The following TEAD3 variants were observed in gnomAD, a reference collection of about 807,000 sequenced individuals.
TEAD3 encodes TEA domain transcription factor 3, also known as transcriptional enhancer factor TEF-5.
In TEAD3, 15 loss-of-function variants were observed where a neutral mutation model predicts 55.6. That is an observed-to-expected ratio of 0.27 (90% CI 0.18 to 0.42). TEAD3 has a LOEUF of 0.42. TEAD3 is among the 10% of genes least tolerant of loss of function. The pLI is 1.00. For synonymous variants in TEAD3, 210 were observed against 232.2 expected (o/e 0.90, Z 0.87); for missense variants, 407 against 576.8 (o/e 0.71, Z 3.01).
In TEAD3 at chr6:35,496,201, G is replaced by A. The variant is rs1011865034; in HGVS notation, c.-50+697C>T. On this transcript the variant is annotated intron_variant, in intron 1 of 12. Coordinates refer to ENST00000639578, the Ensembl canonical transcript of TEAD3. The surrounding 1 kb of genome is among the most constrained non-coding windows in gnomAD (Gnocchi z 4.8). ...CTAAACAAGGGCCCTGAGCAAGTGT[G>A]GGGAAGAAAAGGCCCCAAATCCAGA... Among the ~76,000 whole-genome samples, 2 of 152,202 alleles carry A rather than the reference G, an allele frequency of 1.3e-5. No homozygotes were observed. Among genetic ancestry groups the A allele is most frequent in the African/African-American group, 2.4e-5 (1 of 41,462 alleles).
intron 3 of TEAD3, among the ~76,000 whole-genome samples, chr6:35,481,837 TG>T (rs1429388046): frequency 6.6e-6 from 1 of 152,210 alleles, no homozygotes; most frequent in Non-Finnish European, 1.5e-5. Context: ...TGCCTCCAGA[TG>T]GTTGACTCTG....
chr6:35,475,198 A>G lies in TEAD3; in HGVS notation c.1195-41T>C. ...GTAAGAGATTCAGGAGGTCAGGGAG[A>G]AAAGGGCCACGGGGCAGGGGGCTGA... is the stretch of plus-strand genomic sequence containing the variant. On this transcript the variant is annotated intron_variant, in intron 12 of 12. Coordinates refer to ENST00000639578, the Ensembl canonical transcript of TEAD3. This position sits in a 1 kb window ranked among gnomAD's most constrained non-coding sequence, Gnocchi z 5.4. 6.4e-7 allele frequency: 1 copy of G among 1,568,912 alleles called. No homozygotes were observed. The highest frequency in any genetic ancestry group is 1.2e-5 in the South Asian group (1 of 86,260).
chr6:35,495,132 T>C (rs1768612910), intron 1 of TEAD3, among the ~76,000 whole-genome samples: 1 of 152,226 alleles, frequency 6.6e-6, no homozygotes, highest in Non-Finnish European at 1.5e-5. Flanking sequence ...ATGGCGCAAC[T>C]GGTTAAAGGT....
rs1346000319 is a variant in TEAD3, at chr6:35,491,228, A to G, written c.-49-4517T>C. Among the ~76,000 whole-genome samples the G allele has an allele frequency of 2.0e-5, 3 of 146,512 alleles. No individual in the cohort carries two copies. The highest frequency in any genetic ancestry group is 7.7e-5 in the African/African-American group (3 of 39,150). On this transcript the variant is annotated intron_variant, in intron 1 of 12. Coordinates refer to ENST00000639578, the Ensembl canonical transcript of TEAD3. The surrounding 1 kb of genome is among the most constrained non-coding windows in gnomAD (Gnocchi z 4.4). ...TGGAGGCAGGGCGGGGGAGTGCTGG[A>G]CCCTCAGACCCACAGACTGACAGAC...
chr6:35,475,700 G>A lies in TEAD3; in HGVS notation c.907C>T (p.Leu303Phe). 1.9e-6 allele frequency: 3 copies of A among 1,593,542 alleles called. No homozygotes were observed. Among genetic ancestry groups the A allele is most frequent in the Non-Finnish European group, 2.6e-6 (3 of 1,168,928 alleles). Residue 303 changes from leucine (L) to phenylalanine (F), a missense_variant, in exon 11 of 13, where the codon CTC becomes TTC. Leu to Phe is a conservative substitution (Grantham distance 22, BLOSUM62 0). Coordinates refer to ENST00000639578, the Ensembl canonical transcript of TEAD3. This position sits in a 1 kb window ranked among gnomAD's most constrained non-coding sequence, Gnocchi z 5.4. The stretch of plus-strand genomic sequence containing the variant: ...GGGCCCTCCTGGATGGTGCTGTTGA[G>A]GTCGGCCTGGGCATGGGGGTGGGGG...
intron 1 of TEAD3, among the ~76,000 whole-genome samples, chr6:35,487,731 C>G (rs1186598461): frequency 2.0e-5 from 3 of 150,198 alleles, no homozygotes; most frequent in African/African-American, 7.4e-5. Flanking sequence ...CAAAAAAAAA[C>G]AAAACAAAAC....
intron 3 of TEAD3, among the ~76,000 whole-genome samples, chr6:35,482,730 C>T (rs549536586): frequency 2.0e-5 from 3 of 152,052 alleles, no homozygotes; most frequent in African/African-American, 7.2e-5. Flanking sequence ...TGGCCAACAT[C>T]GCGAGACCCC....
In TEAD3 at chr6:35,475,209, G is replaced by A. The variant is rs1008924763; in HGVS notation, c.1195-52C>T. 110 of 1,570,474 alleles carry A rather than the reference G, an allele frequency of 7.0e-5. No homozygotes were observed. The highest frequency in any genetic ancestry group is 1.4e-4 in the South Asian group (12 of 86,706). Reference sequence around the variant, plus strand: ...AGGAGGTCAGGGAGAAAAGGGCCACGGGGCAGGGGGCTGAACAGACCATTC... The same window carrying A: ...AGGAGGTCAGGGAGAAAAGGGCCACAGGGCAGGGGGCTGAACAGACCATTC... On this transcript the variant is annotated intron_variant, in intron 12 of 12. Coordinates refer to ENST00000639578, the Ensembl canonical transcript of TEAD3. The surrounding 1 kb of genome is among the most constrained non-coding windows in gnomAD (Gnocchi z 5.4).
chr6:35,484,548 C>A lies in TEAD3; in HGVS notation c.267+12G>T, dbSNP rs1208177986. The A allele has an allele frequency of 1.3e-6, 2 of 1,597,746 alleles. No homozygotes were observed. Among genetic ancestry groups the A allele is most frequent in the Admixed American group, 1.7e-5 (1 of 57,488 alleles). On this transcript the variant is annotated intron_variant, in intron 3 of 12. Transcript: ENST00000639578. The surrounding 1 kb of genome is among the most constrained non-coding windows in gnomAD (Gnocchi z 5.8). ...GTGTGGGTGGCAGGCCCAGCATAAA[C>A]CGTCTCTCTACCTGTTTTCTCGTCC... is the stretch of plus-strand genomic sequence containing the variant.
Position 35,483,775 on chromosome 6 carries a change from A to C in TEAD3, c.267+785T>G, listed in dbSNP as rs1581725541. On this transcript the variant is annotated intron_variant, in intron 3 of 12. Transcript: ENST00000639578. This position sits in a 1 kb window ranked among gnomAD's most constrained non-coding sequence, Gnocchi z 4.5. ...AGTGTCCCCTACCCCAGCAGTCCCC[A>C]CCCTCCCTCCACCACATCAGGCTGC... is the stretch of plus-strand genomic sequence containing the variant. Among the ~76,000 whole-genome samples, 2 of 143,670 alleles carry C rather than the reference A, an allele frequency of 1.4e-5. No homozygotes were observed. Among genetic ancestry groups the C allele is most frequent in the Admixed American group, 6.9e-5 (1 of 14,502 alleles). The allele number at this position is 143,670 out of a possible 152,430, so 94.3% of individuals were successfully genotyped here.
chr6:35,474,811 C>T (rs1387943894), downstream of TEAD3: 2 of 509,478 alleles, frequency 3.9e-6, no homozygotes, highest in East Asian at 3.5e-5. Context: ...TGGGTCAGCG[C>T]CCCGGACAGG....
In TEAD3 at chr6:35,475,696, T is replaced by C; in HGVS notation, c.911A>G (p.Asn304Ser). The change falls in exon 11 of 13, where the codon AAC (asparagine) becomes AGC (serine). Residue 304 changes from asparagine (N) to serine (S), a missense_variant. Transcript: ENST00000639578. The surrounding 1 kb of genome is among the most constrained non-coding windows in gnomAD (Gnocchi z 5.4). Reference sequence around the variant, plus strand: ...TCCCGGGCCCTCCTGGATGGTGCTGTTGAGGTCGGCCTGGGCATGGGGGTG... The same window carrying C: ...TCCCGGGCCCTCCTGGATGGTGCTGCTGAGGTCGGCCTGGGCATGGGGGTG... 2.5e-6 allele frequency: 4 copies of C among 1,598,760 alleles called. No individual in the cohort carries two copies. Among genetic ancestry groups the C allele is most frequent in the South Asian group, 1.1e-5 (1 of 89,360 alleles).
downstream of TEAD3, chr6:35,474,816 G>A (rs1424541260): frequency 1.9e-6 from 1 of 518,888 alleles, no homozygotes; most frequent in Non-Finnish European, 3.4e-6. Flanking sequence ...CAGCGCCCCG[G>A]ACAGGCTGCC....
chr6:35,495,576 A>C (rs976344677), intron 1 of TEAD3, among the ~76,000 whole-genome samples: 1 of 152,088 alleles, frequency 6.6e-6, no homozygotes, highest in Non-Finnish European at 1.5e-5. Flanking sequence ...GCAGGGACCC[A>C]GAAGACCACA....
chr6:35,474,838 CCCT>C, downstream of TEAD3: 1 of 553,232 alleles, frequency 1.8e-6, no homozygotes, highest in Non-Finnish European at 3.2e-6. Flanking sequence ...CACCGCTGAG[CCCT>C]CCTCTCCTCT....
At chr6:35,478,441 G>A in exon 6 of TEAD3, 1 of 1,613,710 alleles carries the variant, frequency 6.2e-7, no homozygotes, top group Non-Finnish European at 8.5e-7. Context: ...TACCCGCGAG[G>A]AAGTGGAGAA....
chr6:35,493,420 A>G (rs61501470), intron 1 of TEAD3, among the ~76,000 whole-genome samples: 6,903 of 152,070 alleles, frequency 0.045, 457 homozygotes, highest in African/African-American at 0.15. Flanking sequence ...ACTACCCGAG[A>G]GTCCCAAACA....
rs1768644143 is a variant in TEAD3 at position 35,496,162 on chromosome 6, A to T, written c.-50+736T>A. Among the ~76,000 whole-genome samples the T allele has an allele frequency of 1.3e-5, 2 of 152,032 alleles. No individual in the cohort carries two copies. The highest frequency in any genetic ancestry group is 4.8e-5 in the African/African-American group (2 of 41,414). On this transcript the variant is annotated intron_variant, in intron 1 of 12. Coordinates refer to ENST00000639578, the Ensembl canonical transcript of TEAD3. The surrounding 1 kb of genome is among the most constrained non-coding windows in gnomAD (Gnocchi z 4.8). ...AGGAAGCGGGAGACCAGCCACCCTC[A>T]AACCTTGTCAAGTCTAAACAAGGGC... is the stretch of plus-strand genomic sequence containing the variant.
chr6:35,478,405 C>T (rs1768197310), intron 6 of TEAD3, 29 bp downstream of exon 6: 1 of 1,613,516 alleles, frequency 6.2e-7, no homozygotes, highest in South Asian at 1.1e-5. Flanking sequence ...CACACCCCCA[C>T]ACCAGCCCAC....
Sources: allele counts gnomAD v4.1 joint callset (sites outside exome capture counted in the v4.1 genomes callset), GRCh38; gene constraint gnomAD v4.1.1; non-coding constraint Gnocchi (gnomAD v3.1); transcripts MANE v1.5; gene names NCBI Gene and HGNC (gene_info 2026-07-23, HGNC 2026-07-21).